CSMD1: variants seen among roughly 807,000 people sequenced by gnomAD.
CSMD1 encodes CUB and Sushi multiple domains 1.
In CSMD1, 213 loss-of-function variants were observed where a neutral mutation model predicts 417.5. The observed-to-expected ratio is 0.51, with a 90% CI of 0.46 to 0.57. CSMD1 has a LOEUF of 0.57. Ranked by LOEUF, CSMD1 falls within the 20% of genes least tolerant of loss-of-function variation. CSMD1 has a pLI of 0.00. For synonymous variants in CSMD1, 2,862 were observed against 1,736.8 expected, an observed-to-expected ratio of 1.65 and a Z score of -16.11; for missense variants, 6,923 against 4,529.7, an observed-to-expected ratio of 1.53 and a Z score of -15.17.
chr8:3,824,120 G>A (rs965983285), intron 5 of CSMD1, among the ~76,000 whole-genome samples: 10 of 151,956 alleles, frequency 6.6e-5, no homozygotes, highest in East Asian at 3.9e-4. Flanking sequence ...ATGCTATGTC[G>A]GAAGAAATAT....
chr8:4,173,888 G>T (rs1481929185), intron 3 of CSMD1, among the ~76,000 whole-genome samples: 1 of 152,112 alleles, frequency 6.6e-6, no homozygotes, highest in African/African-American at 2.4e-5. Context: ...AGTGGCAGCT[G>T]AAGTTCTGGG....
intron 3 of CSMD1, among the ~76,000 whole-genome samples, chr8:4,183,552 G>C (rs1335995012): frequency 6.6e-6 from 1 of 152,140 alleles, no homozygotes; most frequent in Non-Finnish European, 1.5e-5. Flanking sequence ...ATAAGTCAGA[G>C]ACAGACATTC....
intron 1 of CSMD1, among the ~76,000 whole-genome samples, chr8:4,933,588 C>T (rs2117201658): frequency 6.6e-6 from 1 of 152,274 alleles, no homozygotes; most frequent in East Asian, 1.9e-4. Flanking sequence ...AGTTTTGCAA[C>T]AAGCCTCTCC....
At chr8:4,885,460 CAT>C (rs1429812248) in intron 1 of CSMD1, among the ~76,000 whole-genome samples, 1 of 151,982 alleles carries the variant, frequency 6.6e-6, no homozygotes, top group Non-Finnish European at 1.5e-5. Flanking sequence ...TATAATCTTA[CAT>C]GTGCAATTTT....
At chr8:4,005,323 G>C (rs979874630) in intron 4 of CSMD1, among the ~76,000 whole-genome samples, 1 of 152,126 alleles carries the variant, frequency 6.6e-6, no homozygotes, top group Non-Finnish European at 1.5e-5. Context: ...CAAGCCTACA[G>C]ACATTCATTG....
chr8:4,868,172 T>G (rs986217659), intron 1 of CSMD1, among the ~76,000 whole-genome samples: 7 of 152,080 alleles, frequency 4.6e-5, no homozygotes, highest in African/African-American at 7.3e-5. Flanking sequence ...TTAAATAAAT[T>G]TACATATGCA....
At chr8:3,941,042 C>T (rs1318327353) in intron 5 of CSMD1, among the ~76,000 whole-genome samples, 1 of 151,658 alleles carries the variant, frequency 6.6e-6, no homozygotes, top group Admixed American at 6.6e-5. Context: ...TAATTCAATA[C>T]ATTCATATAA....
chr8:3,783,777 T>G (rs1672568232), intron 5 of CSMD1, among the ~76,000 whole-genome samples: 1 of 152,172 alleles, frequency 6.6e-6, no homozygotes, highest in Non-Finnish European at 1.5e-5. Flanking sequence ...GAAAAGAAAG[T>G]CGCATAGGAG....
intron 20 of CSMD1, among the ~76,000 whole-genome samples, chr8:3,360,517 C>A (rs1011206684): frequency 6.6e-6 from 1 of 152,084 alleles, no homozygotes; most frequent in Admixed American, 6.5e-5. Flanking sequence ...CTGTAATGCC[C>A]AGTTTTGTCA....
chr8:2,967,552 G>C (rs1368218590), intron 57 of CSMD1, among the ~76,000 whole-genome samples: 1 of 151,410 alleles, frequency 6.6e-6, no homozygotes, highest in Non-Finnish European at 1.5e-5. Context: ...CCCTTTTTTA[G>C]TCGAGCCTAT....
intron 3 of CSMD1, among the ~76,000 whole-genome samples, chr8:4,063,968 G>C (rs971213221): frequency 6.6e-6 from 1 of 152,238 alleles, no homozygotes; most frequent in East Asian, 1.9e-4. Flanking sequence ...TAAACAAAAA[G>C]AGAGTGTGTG....
At chr8:3,496,883 C>T (rs1189020769) in intron 10 of CSMD1, among the ~76,000 whole-genome samples, 1 of 152,076 alleles carries the variant, frequency 6.6e-6, no homozygotes. Flanking sequence ...GACCCATTGG[C>T]CTATTTCTTC....
At chr8:3,669,452 T>C (rs1419275292) in intron 7 of CSMD1, among the ~76,000 whole-genome samples, 1 of 152,166 alleles carries the variant, frequency 6.6e-6, no homozygotes, top group Admixed American at 6.5e-5. Context: ...ATGGTCCTGT[T>C]CATTCATTCA....
chr8:3,881,891 T>C (rs1351157563), intron 5 of CSMD1, among the ~76,000 whole-genome samples: 1 of 152,090 alleles, frequency 6.6e-6, no homozygotes, highest in African/African-American at 2.4e-5. Context: ...GCTGGGTCAG[T>C]TGCATGTTCA....
chr8:3,911,971 A>C (rs2954626), intron 5 of CSMD1, among the ~76,000 whole-genome samples: 42,463 of 152,092 alleles, frequency 0.28, 6,985 homozygotes, highest in African/African-American at 0.46. Flanking sequence ...ATCTTCCCAC[A>C]AGTTTCCTGA....
At chr8:4,252,508 C>G (rs1320692757) in intron 3 of CSMD1, among the ~76,000 whole-genome samples, 2 of 152,178 alleles carry the variant, frequency 1.3e-5, no homozygotes, top group African/African-American at 4.8e-5. Context: ...AGAGGCATGT[C>G]CTGTTTCCTC....
intron 2 of CSMD1, among the ~76,000 whole-genome samples, chr8:4,589,270 G>C (rs1370323837): frequency 2.0e-5 from 3 of 152,104 alleles, no homozygotes; most frequent in African/African-American, 7.2e-5. Flanking sequence ...CTAAATTTGT[G>C]TTTTGCCTCT....
chr8:4,430,811 C>T (rs1380952576), intron 2 of CSMD1, among the ~76,000 whole-genome samples: 2 of 152,132 alleles, frequency 1.3e-5, no homozygotes, highest in African/African-American at 4.8e-5. Context: ...CAGCGTTTTT[C>T]CTGTCAATTG....
At chr8:3,055,996 A>G (rs902017228) in intron 49 of CSMD1, among the ~76,000 whole-genome samples, 1 of 152,268 alleles carries the variant, frequency 6.6e-6, no homozygotes, top group Non-Finnish European at 1.5e-5. Context: ...CATTCAATCA[A>G]TGACAAATTA....
Sources: allele counts gnomAD v4.1 joint callset (sites outside exome capture counted in the v4.1 genomes callset), GRCh38; gene constraint gnomAD v4.1.1; transcripts MANE v1.5; gene names NCBI Gene and HGNC (gene_info 2026-07-23, HGNC 2026-07-21).